The following UTS2R variants were observed in gnomAD, a reference collection of about 807,000 sequenced individuals.
The protein encoded by UTS2R is urotensin-2 receptor.
For missense variants in UTS2R, 653 were observed against 562.2 expected (o/e 1.16, Z -1.63); for synonymous variants, 335 against 280.9 (o/e 1.19, Z -1.93).
rs200671433 is a variant in UTS2R, at chr17:82,374,751, G to A, written c.427G>A (p.Val143Ile). Residue 143 changes from valine (V) to isoleucine (I), a missense_variant, in exon 3 of 3, where the codon GTC becomes ATC. Val to Ile is a conservative substitution (Grantham distance 29, BLOSUM62 3). Transcript: ENST00000313135. Reference sequence around the variant, plus strand: ...GCACGCCAGCATCTTCACGCTGACCGTCATGAGCAGCGAGCGCTACGCTGC... The same window carrying A: ...GCACGCCAGCATCTTCACGCTGACCATCATGAGCAGCGAGCGCTACGCTGC... ...TMHASIFTLTVMSSERYAAVL... is the reference protein window; with the variant it reads ...TMHASIFTLTIMSSERYAAVL... The A allele has an allele frequency of 1.5e-5, 24 of 1,610,234 alleles. No homozygotes were observed. The African/African-American group carries it at 2.3e-4, about 15-fold the overall frequency.
rs2052497194 is a variant in UTS2R, at chr17:82,376,519, T to G, written c.*1025T>G. Among the ~76,000 whole-genome samples, 1 of 152,160 alleles carries G rather than the reference T, an allele frequency of 6.6e-6. No homozygotes were observed. The highest frequency in any genetic ancestry group is 1.5e-5 in the Non-Finnish European group (1 of 68,022). On this transcript the variant is annotated 3_prime_UTR_variant, in exon 3 of 3. Coordinates refer to ENST00000313135, the MANE Select transcript of UTS2R (RefSeq NM_018949.3). ...GGTCATGCCCGCTTGGTCCCTCCAG[T>G]GCCTACCCCTCAGTGGAGTGAGCAC...
rs115041875 is a variant in UTS2R, at chr17:82,372,276, C to A, written c.-269+229C>A. 5.1e-3 allele frequency among the ~76,000 whole-genome samples: 782 copies of A among 152,302 alleles called. 6 individuals are homozygous for A. Among genetic ancestry groups the A allele is most frequent in the African/African-American group, 0.018 (749 of 41,570 alleles). ...GCCCGGCGGCCGCTGTCCCCCTGCC[C>A]GTGACTCGGGCTCGCGCACAACTGG... On this transcript the variant is annotated intron_variant, in intron 1 of 2. Transcript: ENST00000313135.
Position 82,374,767 on chromosome 17 carries a change from G to C in UTS2R, c.443G>C (p.Arg148Pro), listed in dbSNP as rs13305975. The C allele has an allele frequency of 1.2e-6, 2 of 1,605,498 alleles. No homozygotes were observed. The highest frequency in any genetic ancestry group is 1.7e-6 in the Non-Finnish European group (2 of 1,177,846). Reference protein sequence around the residue: ...IFTLTVMSSERYAAVLRPLDT... With the variant: ...IFTLTVMSSEPYAAVLRPLDT... ...ACGCTGACCGTCATGAGCAGCGAGC[G>C]CTACGCTGCGGTGCTGCGGCCGCTG... is the stretch of plus-strand genomic sequence containing the variant. Residue 148 changes from arginine (R) to proline (P), a missense_variant, in exon 3 of 3, where the codon CGC (arginine) becomes CCC (proline). Coordinates refer to ENST00000313135, the MANE Select transcript of UTS2R (RefSeq NM_018949.3).
Position 82,376,491 on chromosome 17 carries a change from A to G in UTS2R, c.*997A>G, listed in dbSNP as rs56348720. Among the ~76,000 whole-genome samples the G allele has an allele frequency of 0.27, 40,243 of 151,062 alleles. 5,669 individuals carry two copies. Among genetic ancestry groups the G allele is most frequent in the Non-Finnish European group, 0.31 (21,063 of 67,820 alleles). On this transcript the variant is annotated 3_prime_UTR_variant, in exon 3 of 3. Coordinates refer to ENST00000313135, the MANE Select transcript of UTS2R (RefSeq NM_018949.3). ...TGGGGCTCCATCTGAACACTGGGGCAAGGGTCATGCCCGCTTGGTCCCTCC... is the reference window on the plus strand; with the variant it reads ...TGGGGCTCCATCTGAACACTGGGGCGAGGGTCATGCCCGCTTGGTCCCTCC...
Position 82,375,531 on chromosome 17 carries a change from C to T in UTS2R, c.*37C>T. 2.3e-6 allele frequency: 2 copies of T among 874,284 alleles called. No individual in the cohort carries two copies. Among genetic ancestry groups the T allele is most frequent in the Non-Finnish European group, 3.3e-6 (2 of 612,112 alleles). The allele number at this position is 874,284 out of a possible 1,614,324, so 54.2% of individuals were successfully genotyped here. On this transcript the variant is annotated 3_prime_UTR_variant, in exon 3 of 3. Coordinates refer to ENST00000313135, the MANE Select transcript of UTS2R (RefSeq NM_018949.3). ...GGCGGCTGGAGTCCAGGCGGGGACG[C>T]GCCCCAAAGCCCCAGCCACTCCCGG...
chr17:82,375,414 C>T lies in UTS2R; in HGVS notation c.1090C>T (p.Pro364Ser). The part of the protein sequence containing the change: ...CSGRSLSSCS[P>S]QPTDSLVLAP... ...GGGCCGCTCCCTGTCTTCCTGCAGCCCACAGCCCACTGACAGCCTCGTGCT... is the reference window on the plus strand; with the variant it reads ...GGGCCGCTCCCTGTCTTCCTGCAGCTCACAGCCCACTGACAGCCTCGTGCT... Residue 364 changes from proline to serine, a missense_variant, in exon 3 of 3, where the codon CCA becomes TCA. Pro to Ser is a moderately conservative substitution (Grantham distance 74, BLOSUM62 -1). Coordinates refer to ENST00000313135, the MANE Select transcript of UTS2R (RefSeq NM_018949.3). 1 of 1,575,912 alleles carries T rather than the reference C, an allele frequency of 6.3e-7. No individual in the cohort carries two copies. Among genetic ancestry groups the T allele is most frequent in the Admixed American group, 1.7e-5 (1 of 57,398 alleles).
In UTS2R at chr17:82,375,565, C is replaced by G. The variant is rs2052490377; in HGVS notation, c.*71C>G. Reference sequence around the variant, plus strand: ...GCCCCAGCCACTCCCGGGAGCCCCCCCAACTCCCAAATCACAGGCCCTGCC... The same window carrying G: ...GCCCCAGCCACTCCCGGGAGCCCCCGCAACTCCCAAATCACAGGCCCTGCC... On this transcript the variant is annotated 3_prime_UTR_variant, in exon 3 of 3. Transcript: ENST00000313135. 1.7e-6 allele frequency: 1 copy of G among 594,222 alleles called. No homozygotes were observed. Among genetic ancestry groups the G allele is most frequent in the Non-Finnish European group, 2.7e-6 (1 of 364,910 alleles). 36.8% of individuals were successfully genotyped at this position (594,222 alleles called of 1,614,324 possible).
At chr17:82,373,890 TG>T (rs796735769) in intron 2 of UTS2R, among the ~76,000 whole-genome samples, 15 of 152,272 alleles carry the variant, frequency 9.9e-5, no homozygotes, top group African/African-American at 3.4e-4. Context: ...AAGTGAGGCC[TG>T]GGGGGGCGCA....
chr17:82,376,431 C>G lies in UTS2R; in HGVS notation c.*937C>G, dbSNP rs569514745. Among the ~76,000 whole-genome samples the G allele has an allele frequency of 6.6e-6, 1 of 152,276 alleles. No homozygotes were observed. Among genetic ancestry groups the G allele is most frequent in the South Asian group, 2.1e-4 (1 of 4,828 alleles). On this transcript the variant is annotated 3_prime_UTR_variant, in exon 3 of 3. Coordinates refer to ENST00000313135, the MANE Select transcript of UTS2R (RefSeq NM_018949.3). Reference sequence around the variant, plus strand: ...GCCTCCCCCAGCCTGGCCTCCCCTCCCCACCCCATGGCCATGCCCAGACTA... The same window carrying G: ...GCCTCCCCCAGCCTGGCCTCCCCTCGCCACCCCATGGCCATGCCCAGACTA...
Position 82,374,259 on chromosome 17 carries a change from A to G in UTS2R, c.-66A>G. On this transcript the variant is annotated 5_prime_UTR_variant, in exon 3 of 3. Transcript: ENST00000313135. ...TCCCCACAGGCTGAGCTGGTTGCCC[A>G]CAGGGGCCCCCGCCCCATCTCAGGG... The G allele has an allele frequency of 2.2e-6, 3 of 1,341,600 alleles. No individual in the cohort carries two copies. The highest frequency in any genetic ancestry group is 2.5e-5 in the East Asian group (1 of 39,944). The allele number at this position is 1,341,600 out of a possible 1,614,324, so 83.1% of individuals were successfully genotyped here.
chr17:82,373,211 G>A (rs549194150), intron 2 of UTS2R, among the ~76,000 whole-genome samples: 3 of 151,514 alleles, frequency 2.0e-5, no homozygotes, highest in African/African-American at 4.9e-5. Context: ...GCTGGAGTGC[G>A]GTGGCACAAT....
rs202028060 is a variant in UTS2R, at chr17:82,374,723, C to A, written c.399C>A (p.Thr133=). 1.6e-5 allele frequency: 26 copies of A among 1,612,694 alleles called. No homozygotes were observed. The highest frequency in any genetic ancestry group is 2.0e-5 in the Non-Finnish European group (24 of 1,179,920). The change falls in exon 3 of 3, where the codon ACC becomes ACA. Residue 133 remains threonine, a synonymous_variant. Transcript: ENST00000313135. ...CRVLFGLDFL[T]MHASIFTLTV... is the part of the protein sequence containing the mutation. The stretch of plus-strand genomic sequence containing the variant: ...TGCTCTTCGGCCTGGACTTCCTGAC[C>A]ATGCACGCCAGCATCTTCACGCTGA...
At position 82,374,278 on chromosome 17, in the gene UTS2R, C is replaced by A. The variant is rs746395883; in HGVS notation, c.-47C>A. 16 of 1,460,332 alleles carry A rather than the reference C, an allele frequency of 1.1e-5. No individual in the cohort carries two copies. Among genetic ancestry groups the A allele is most frequent in the African/African-American group, 1.4e-5 (1 of 70,704 alleles). 90.5% of individuals were successfully genotyped at this position (1,460,332 alleles called of 1,614,324 possible). On this transcript the variant is annotated 5_prime_UTR_variant, in exon 3 of 3. Transcript: ENST00000313135. ...TTGCCCACAGGGGCCCCCGCCCCAT[C>A]TCAGGGAGTGTCCACCCAGCCCTGA...
At position 82,376,650 on chromosome 17, in the gene UTS2R, G is replaced by GA. The variant is rs751758738; in HGVS notation, c.*1159dup. On this transcript the variant is annotated 3_prime_UTR_variant, in exon 3 of 3. Coordinates refer to ENST00000313135, the MANE Select transcript of UTS2R (RefSeq NM_018949.3). Reference sequence around the variant, plus strand: ...GCTTGCAGCTCCCCCCTGGAGTTACGAAAGTGCTCTGGAACTAGACGCTGG... The same window carrying GA: ...GCTTGCAGCTCCCCCCTGGAGTTACGAAAAGTGCTCTGGAACTAGACGCTGG... Among the ~76,000 whole-genome samples the GA allele has an allele frequency of 2.0e-5, 3 of 152,266 alleles. No homozygotes were observed. The highest frequency in any genetic ancestry group is 4.4e-5 in the Non-Finnish European group (3 of 68,044).
In UTS2R at chr17:82,372,643, C is replaced by G. The variant is rs2052459080; in HGVS notation, c.-223C>G. ...TCCAGGCTGCTGACCCCAGCGGCGA[C>G]TCCTTCACTGGCTTCATGTCACAGT... On this transcript the variant is annotated 5_prime_UTR_variant, in exon 2 of 3. Coordinates refer to ENST00000313135, the MANE Select transcript of UTS2R (RefSeq NM_018949.3). Among the ~76,000 whole-genome samples, 1 of 152,252 alleles carries G rather than the reference C, an allele frequency of 6.6e-6. No individual in the cohort carries two copies. The highest frequency in any genetic ancestry group is 2.4e-5 in the African/African-American group (1 of 41,464).
At position 82,375,262 on chromosome 17, in the gene UTS2R, T is replaced by A; in HGVS notation, c.938T>A (p.Phe313Tyr). Reference sequence around the variant, plus strand: ...TACGGCAACAGCTGCGCCAACCCCTTCCTCTACACGCTGCTCACCAGGAAC... The same window carrying A: ...TACGGCAACAGCTGCGCCAACCCCTACCTCTACACGCTGCTCACCAGGAAC... ...LTYGNSCANP[F>Y]LYTLLTRNYR... The change falls in exon 3 of 3, where the codon TTC (phenylalanine) becomes TAC (tyrosine). Residue 313 changes from phenylalanine (F) to tyrosine (Y), a missense_variant. Transcript: ENST00000313135. The A allele has an allele frequency of 6.4e-7, 1 of 1,574,406 alleles. No individual in the cohort carries two copies. The highest frequency in any genetic ancestry group is 8.6e-7 in the Non-Finnish European group (1 of 1,161,880).
At position 82,374,378 on chromosome 17, in the gene UTS2R, C is replaced by T; in HGVS notation, c.54C>T (p.Gly18=). 1 of 1,588,298 alleles carries T rather than the reference C, an allele frequency of 6.3e-7. No individual in the cohort carries two copies. The highest frequency in any genetic ancestry group is 1.1e-5 in the South Asian group (1 of 88,886). ...PSSFPGLAAT[G]SSVPEPPGGP... ...GCTTCCCTGGGCTGGCCGCCACTGG[C>T]AGCTCTGTGCCGGAGCCGCCTGGCG... Residue 18 remains glycine (G), a synonymous_variant, in exon 3 of 3, where the codon GGC becomes GGT. Coordinates refer to ENST00000313135, the MANE Select transcript of UTS2R (RefSeq NM_018949.3).
intron 2 of UTS2R, among the ~76,000 whole-genome samples, chr17:82,373,898 C>T (rs923071587): frequency 6.6e-5 from 10 of 152,324 alleles, no homozygotes; most frequent in East Asian, 1.9e-4. Context: ...CCTGGGGGGG[C>T]GCAATGGGCA....
Position 82,375,076 on chromosome 17 carries a change from G to C in UTS2R, c.752G>C (p.Arg251Pro), listed in dbSNP as rs1375284174. ...CGCGCCTCCTTCAAGCGGGCCCGGC[G>C]GCCGGGGGCGCGCGCGCTGCGCCTG... ...SQRASFKRAR[R>P]PGARALRLVL... The change falls in exon 3 of 3, where the codon CGG becomes CCG. Residue 251 changes from arginine to proline, a missense_variant. Coordinates refer to ENST00000313135, the MANE Select transcript of UTS2R (RefSeq NM_018949.3). 1 of 1,406,056 alleles carries C rather than the reference G, an allele frequency of 7.1e-7. No individual in the cohort carries two copies. Among genetic ancestry groups the C allele is most frequent in the Admixed American group, 3.5e-5 (1 of 28,522 alleles). 87.1% of individuals were successfully genotyped at this position (1,406,056 alleles called of 1,614,324 possible).
Sources: allele counts gnomAD v4.1 joint callset (sites outside exome capture counted in the v4.1 genomes callset), GRCh38; gene constraint gnomAD v4.1.1; transcripts MANE v1.5; gene names NCBI Gene and HGNC (gene_info 2026-07-23, HGNC 2026-07-21).